Variants in KLF17 observed in about 807,000 individuals in gnomAD.
The protein encoded by KLF17 is Krueppel-like factor 17.
Under a neutral mutation model 34.2 loss-of-function variants are expected in KLF17, and 31 were observed. The ratio of observed to expected loss-of-function variants is 0.91; its 90% confidence interval spans 0.68 to 1.22. The LOEUF (loss-of-function observed/expected upper bound fraction) is 1.22, where lower values mean the gene tolerates loss of function less well. Among genes scored for constraint, KLF17 ranks in the 50% most tolerant of loss-of-function variants. The pLI, the probability that KLF17 is intolerant of heterozygous loss-of-function variation, is 0.00. For missense variants in KLF17, 478 were observed against 505.2 expected (o/e 0.95, Z 0.52); for synonymous variants, 179 against 186.7 (o/e 0.96, Z 0.34).
upstream of KLF17, among the ~76,000 whole-genome samples, chr1:44,116,892 G>A (rs201695278): frequency 1.2e-4 from 18 of 152,204 alleles, no homozygotes; most frequent in East Asian, 3.5e-3. Flanking sequence ...ATAATTAATA[G>A]ACATCTCAAA....
chr1:44,103,595 C>G, the KLF17 span: 2 of 1,601,002 alleles, frequency 1.2e-6, no homozygotes, highest in African/African-American at 2.7e-5. Context: ...CTAGCAGCTT[C>G]CTGTAGGTGG....
chr1:44,123,082 T>C (rs1247540610), intron 1 of KLF17, among the ~76,000 whole-genome samples: 3 of 152,202 alleles, frequency 2.0e-5, no homozygotes, highest in African/African-American at 4.8e-5. Context: ...GGATAAGAGC[T>C]GAGCTTTTGT....
the KLF17 span, among the ~76,000 whole-genome samples, chr1:44,085,942 G>C: frequency 6.6e-6 from 1 of 151,904 alleles, no homozygotes; most frequent in African/African-American, 2.4e-5. Flanking sequence ...AAGACAATAA[G>C]CAGGAGATAA....
chr1:44,048,091 C>T, the KLF17 span: 1 of 151,766 alleles, frequency 6.6e-6, no homozygotes, highest in Non-Finnish European at 1.5e-5. Context: ...CCTAACTTCA[C>T]CATGCAGAAG....
At chr1:44,100,226 C>G in the KLF17 span, among the ~76,000 whole-genome samples, 1 of 147,986 alleles carries the variant, frequency 6.8e-6, no homozygotes, top group Non-Finnish European at 1.5e-5. Context: ...CCACTGAACT[C>G]TAGCCTGGGT....
the KLF17 span, among the ~76,000 whole-genome samples, chr1:44,100,570 G>T: frequency 6.6e-6 from 1 of 152,070 alleles, no homozygotes; most frequent in Non-Finnish European, 1.5e-5. Context: ...AAAAATAAAA[G>T]AACTAATTCG....
At chr1:44,114,167 T>C (rs1279222432), upstream of KLF17, 6 of 152,230 alleles carry the variant, frequency 3.9e-5, no homozygotes, top group African/African-American at 1.4e-4. Context: ...TATTTTGATA[T>C]GCTTTGAGGC....
chr1:44,129,039 T>C (rs531013716), intron 1 of KLF17, among the ~76,000 whole-genome samples: 18 of 150,332 alleles, frequency 1.2e-4, no homozygotes, highest in Admixed American at 6.0e-4. Flanking sequence ...AAAACTGGAG[T>C]TTGAACATTT....
the KLF17 span, among the ~76,000 whole-genome samples, chr1:44,056,579 G>A: frequency 6.6e-6 from 1 of 152,192 alleles, no homozygotes; most frequent in Non-Finnish European, 1.5e-5. Flanking sequence ...GCTGGGAACA[G>A]CTCCTGCTTT....
chr1:44,124,127 G>A (rs116106366), intron 1 of KLF17, among the ~76,000 whole-genome samples: 187 of 152,044 alleles, frequency 1.2e-3, no homozygotes, highest in African/African-American at 4.4e-3. Flanking sequence ...TATATATACA[G>A]CATATATTTG....
chr1:44,121,954 G>A (rs914151896), intron 1 of KLF17, among the ~76,000 whole-genome samples: 1 of 152,100 alleles, frequency 6.6e-6, no homozygotes, highest in Non-Finnish European at 1.5e-5. Flanking sequence ...TTCACCTACT[G>A]GTTTTAACAC....
chr1:44,122,749 C>A (rs1276913330), intron 1 of KLF17, among the ~76,000 whole-genome samples: 2 of 152,166 alleles, frequency 1.3e-5, no homozygotes, highest in Non-Finnish European at 2.9e-5. Context: ...AGGCATGCAC[C>A]ACCACGCCCG....
the KLF17 span, among the ~76,000 whole-genome samples, chr1:44,087,678 C>T: frequency 6.9e-6 from 1 of 144,684 alleles, no homozygotes; most frequent in African/African-American, 2.6e-5. Context: ...ATGACCTTTC[C>T]TCTGTGACTA....
the KLF17 span, among the ~76,000 whole-genome samples, chr1:44,096,836 A>T: frequency 6.6e-6 from 1 of 152,034 alleles, no homozygotes; most frequent in African/African-American, 2.4e-5. Context: ...GTTTAATTAG[A>T]TCCCATTTGT....
the KLF17 span, among the ~76,000 whole-genome samples, chr1:44,053,140 A>G: frequency 6.6e-6 from 1 of 152,158 alleles, no homozygotes; most frequent in African/African-American, 2.4e-5. Flanking sequence ...ACCTCAAGTG[A>G]TCTGCCTGCC....
the KLF17 span, among the ~76,000 whole-genome samples, chr1:44,046,729 A>G: frequency 4.9e-3 from 748 of 152,328 alleles, 6 homozygotes; most frequent in African/African-American, 0.017. Context: ...GCTTAAAAAT[A>G]TGCATTCTTA....
the KLF17 span, chr1:44,104,782 T>G: frequency 4.3e-6 from 1 of 232,860 alleles, no homozygotes; most frequent in Non-Finnish European, 8.5e-6. Context: ...TGTGATATAT[T>G]TATACGATGG....
intron 2 of KLF17, 132 bp downstream of exon 2, chr1:44,130,328 C>CA: frequency 6.9e-7 from 1 of 1,441,138 alleles, no homozygotes; most frequent in Non-Finnish European, 9.4e-7. Context: ...GACTGGCCCC[C>CA]CGACTTGCCA....
At chr1:44,130,953 G>C (rs2088102224) in intron 3 of KLF17, among the ~76,000 whole-genome samples, 197 bp downstream of exon 3, 1 of 152,054 alleles carries the variant, frequency 6.6e-6, no homozygotes, top group African/African-American at 2.4e-5. Context: ...GTGCCACCAG[G>C]CCCGGGTAAT....
Sources: allele counts gnomAD v4.1 joint callset (sites outside exome capture counted in the v4.1 genomes callset), GRCh38; gene constraint gnomAD v4.1.1; transcripts MANE v1.5; gene names NCBI Gene and HGNC (gene_info 2026-07-23, HGNC 2026-07-21).